The following KIAA1958 variants were observed in gnomAD, a reference collection of about 807,000 sequenced individuals.
KIAA1958 encodes uncharacterized protein KIAA1958.
KIAA1958 carries 14 observed loss-of-function variants against 47.2 expected under a neutral mutation model. The observed-to-expected ratio is 0.30, with a 90% CI of 0.20 to 0.46. KIAA1958 has a LOEUF of 0.46. Among genes scored for constraint, KIAA1958 ranks in the 20% least tolerant of loss-of-function variants. The pLI is 1.00. For synonymous variants in KIAA1958, 354 were observed against 353.3 expected (o/e 1.00, Z -0.02); for missense variants, 803 against 909.2 (o/e 0.88, Z 1.50).
At chr9:112,644,991 C>T (rs374925803) in intron 2 of KIAA1958, among the ~76,000 whole-genome samples, 1 of 146,590 alleles carries the variant, frequency 6.8e-6, no homozygotes, top group Non-Finnish European at 1.5e-5. Context: ...AAAAATTAGC[C>T]AGACGTGATG....
In KIAA1958 at chr9:112,660,094, C is replaced by T; in HGVS notation, c.*25C>T. On this transcript the variant is annotated 3_prime_UTR_variant, in exon 4 of 4. Transcript: ENST00000337530. ...AGCCCCCACTGGGGCCCGGCCACTG[C>T]CCTGTCACCTGCTCGGGCCAGCCAG... 6.9e-6 allele frequency: 11 copies of T among 1,598,222 alleles called. No individual in the cohort carries two copies. Among genetic ancestry groups the T allele is most frequent in the Non-Finnish European group, 8.5e-6 (10 of 1,170,896 alleles).
chr9:112,614,614 G>T (rs1378710413), intron 2 of KIAA1958, among the ~76,000 whole-genome samples: 1 of 152,078 alleles, frequency 6.6e-6, no homozygotes, highest in Non-Finnish European at 1.5e-5. Context: ...ATCAATGATG[G>T]TGTCTTTACC....
Position 112,618,897 on chromosome 9 carries a change from C to G in KIAA1958, c.1172-26753C>G, listed in dbSNP as rs1239048570. On this transcript the variant is annotated intron_variant, in intron 2 of 3. Coordinates refer to ENST00000337530, the MANE Select transcript of KIAA1958 (RefSeq NM_133465.4). The surrounding 1 kb of genome is among the most constrained non-coding windows in gnomAD (Gnocchi z 7.1). ...TTCATCGTCTCCGCCTCCTATGACT[C>G]TTCCTCAGACACCGCTTGACCAGGT... is the stretch of plus-strand genomic sequence containing the variant. The G allele has an allele frequency of 6.5e-7, 1 of 1,539,520 alleles. No individual in the cohort carries two copies. The highest frequency in any genetic ancestry group is 1.4e-5 in the African/African-American group (1 of 72,910).
rs185498440 is a variant in KIAA1958 at position 112,561,190 on chromosome 9, G to T, written c.-24-12867G>T. On this transcript the variant is annotated intron_variant, in intron 1 of 3. Transcript: ENST00000337530. ...CTGCCTCAGCCTCCCGAGTAGCTGG[G>T]ACTACAGGCACCCACCACCACACCC... Among the ~76,000 whole-genome samples the T allele has an allele frequency of 4.2e-4, 64 of 151,966 alleles. No homozygotes were observed. In the East Asian group the frequency reaches 0.011, roughly 25 times the overall value.
At chr9:112,519,169 C>T (rs1834494336) in intron 1 of KIAA1958, among the ~76,000 whole-genome samples, 1 of 152,106 alleles carries the variant, frequency 6.6e-6, no homozygotes, top group African/African-American at 2.4e-5. Flanking sequence ...TCTTGAACTC[C>T]TGAGCTCAAG....
At chr9:112,590,772 GT>G (rs1335727974) in intron 2 of KIAA1958, among the ~76,000 whole-genome samples, 35 of 152,194 alleles carry the variant, frequency 2.3e-4, no homozygotes, top group African/African-American at 8.4e-4. Flanking sequence ...GAAACATGTA[GT>G]TGGTCCTAGT....
At position 112,570,681 on chromosome 9, in the gene KIAA1958, C is replaced by T. The variant is rs1022889453; in HGVS notation, c.-24-3376C>T. 3.9e-5 allele frequency among the ~76,000 whole-genome samples: 6 copies of T among 152,146 alleles called. No homozygotes were observed. In the East Asian group the frequency reaches 9.6e-4, roughly 24 times the overall value. ...GGAATGATACTTGGCTTTGCCAGTA[C>T]CAAATCTGTATTAGTCAAGATTCTC... On this transcript the variant is annotated intron_variant, in intron 1 of 3. Transcript: ENST00000337530.
intron 1 of KIAA1958, among the ~76,000 whole-genome samples, chr9:112,495,842 A>G (rs1834043954): frequency 6.6e-6 from 1 of 152,230 alleles, no homozygotes; most frequent in Non-Finnish European, 1.5e-5. Context: ...GACATTAGCA[A>G]GCATTATGCA....
intron 1 of KIAA1958, among the ~76,000 whole-genome samples, chr9:112,573,145 C>T (rs1353695757): frequency 6.6e-6 from 1 of 152,190 alleles, no homozygotes; most frequent in Admixed American, 6.5e-5. Flanking sequence ...GTTGTCCTCA[C>T]TCCTCAGGGA....
chr9:112,572,619 G>C (rs1835559222), intron 1 of KIAA1958, among the ~76,000 whole-genome samples: 2 of 152,326 alleles, frequency 1.3e-5, no homozygotes, highest in Non-Finnish European at 2.9e-5. Flanking sequence ...GATGCCAATA[G>C]GAAGTAGCCG....
At chr9:112,496,531 CA>C (rs1834054273) in intron 1 of KIAA1958, among the ~76,000 whole-genome samples, 1 of 152,190 alleles carries the variant, frequency 6.6e-6, no homozygotes, top group Admixed American at 6.5e-5. Flanking sequence ...GAAATATCAG[CA>C]AGTTCACTTA....
At chr9:112,555,708 C>T (rs1046724561) in intron 1 of KIAA1958, among the ~76,000 whole-genome samples, 2 of 152,186 alleles carry the variant, frequency 1.3e-5, no homozygotes, top group African/African-American at 4.8e-5. Flanking sequence ...AAGCTAGTTT[C>T]CTCCAGCTCT....
intron 1 of KIAA1958, among the ~76,000 whole-genome samples, chr9:112,538,847 A>G (rs1257039016): frequency 6.6e-6 from 1 of 152,244 alleles, no homozygotes; most frequent in African/African-American, 2.4e-5. Flanking sequence ...AGTGTTTTAC[A>G]GTATTAAATC....
chr9:112,561,416 T>C (rs1835327311), intron 1 of KIAA1958, among the ~76,000 whole-genome samples: 1 of 152,216 alleles, frequency 6.6e-6, no homozygotes, highest in South Asian at 2.1e-4. Flanking sequence ...TAGTTCTTTG[T>C]TTCTTCCTGC....
Position 112,601,940 on chromosome 9 carries a change from ATGT to A in KIAA1958, c.1171+26690_1171+26692del, listed in dbSNP as rs1485565501. ...CAAATTTTAGAGCTCCTGAACATGTATGTAAGAAATGTGTTTTACTTCCACTAT... is the reference window on the plus strand; with the variant it reads ...CAAATTTTAGAGCTCCTGAACATGTAAAGAAATGTGTTTTACTTCCACTAT... On this transcript the variant is annotated intron_variant, in intron 2 of 3. Coordinates refer to ENST00000337530, the MANE Select transcript of KIAA1958 (RefSeq NM_133465.4). 2.9e-4 allele frequency among the ~76,000 whole-genome samples: 44 copies of A among 152,348 alleles called. No individual in the cohort carries two copies. In the East Asian group the frequency reaches 7.5e-3, roughly 26 times the overall value.
chr9:112,668,043 G>A lies in KIAA1958; in HGVS notation c.*7974G>A, dbSNP rs1314904987. On this transcript the variant is annotated 3_prime_UTR_variant, in exon 4 of 4. Transcript: ENST00000337530. ...AATAAATGCCATACCACAGCATCAT[G>A]TTTCTTCATTTTTATTACCGAAATA... 1 of 62,644 alleles carries A rather than the reference G, an allele frequency of 1.6e-5. No homozygotes were observed. The highest frequency in any genetic ancestry group is 8.1e-4 in the East Asian group (1 of 1,242). 3.9% of individuals were successfully genotyped at this position (62,644 alleles called of 1,614,324 possible). A position where few individuals can be genotyped will look rare whatever the true frequency, so the allele number is the denominator to read the frequency against.
intron 1 of KIAA1958, among the ~76,000 whole-genome samples, chr9:112,509,106 T>G (rs1224423903): frequency 6.6e-6 from 1 of 151,924 alleles, no homozygotes; most frequent in Non-Finnish European, 1.5e-5. Context: ...TTGTCAGTGT[T>G]AGAATAGTGT....
intron 2 of KIAA1958, among the ~76,000 whole-genome samples, chr9:112,604,951 T>C (rs1447542884): frequency 6.8e-6 from 1 of 147,532 alleles, no homozygotes; most frequent in Non-Finnish European, 1.5e-5. Flanking sequence ...TATATTTTAA[T>C]ATATGTTTAT....
In KIAA1958 at chr9:112,668,989, T is replaced by A. The variant is rs1564208960; in HGVS notation, c.*8920T>A. 2.0e-5 allele frequency: 3 copies of A among 152,238 alleles called. No homozygotes were observed. Among genetic ancestry groups the A allele is most frequent in the Admixed American group, 2.0e-4 (3 of 15,284 alleles). 9.4% of individuals were successfully genotyped at this position (152,238 alleles called of 1,614,324 possible). On this transcript the variant is annotated 3_prime_UTR_variant, in exon 4 of 4. Transcript: ENST00000337530. ...TCCTAACGTTTTCACTGTTCTGTAATTTTGTTTTAATATAGAGGATACCCA... is the reference window on the plus strand; with the variant it reads ...TCCTAACGTTTTCACTGTTCTGTAAATTTGTTTTAATATAGAGGATACCCA...
Sources: allele counts gnomAD v4.1 joint callset (sites outside exome capture counted in the v4.1 genomes callset), GRCh38; gene constraint gnomAD v4.1.1; non-coding constraint Gnocchi (gnomAD v3.1); transcripts MANE v1.5; gene names NCBI Gene and HGNC (gene_info 2026-07-23, HGNC 2026-07-21).